LTBP1: variants seen among roughly 807,000 people sequenced by gnomAD.
LTBP1 encodes latent transforming growth factor beta binding protein 1.
In LTBP1, 129 loss-of-function variants were observed where a neutral mutation model predicts 207.6. The observed-to-expected ratio is 0.62, with a 90% CI of 0.54 to 0.72. The LOEUF (loss-of-function observed/expected upper bound fraction) is 0.72. LTBP1 is among the 30% of genes least tolerant of loss of function. LTBP1 has a pLI of 0.00. For synonymous variants in LTBP1, 963 were observed against 833.7 expected (o/e 1.16, Z -2.67); for missense variants, 2,281 against 2,217.2 (o/e 1.03, Z -0.58).
chr2:33,309,058 G>A (rs144941224), intron 22 of LTBP1, among the ~76,000 whole-genome samples: 7,782 of 151,992 alleles, frequency 0.051, 244 homozygotes, highest in African/African-American at 0.081. Flanking sequence ...TGAGGTGGGC[G>A]GATCACTTGA....
At chr2:33,199,012 T>C (rs555150019) in intron 7 of LTBP1, among the ~76,000 whole-genome samples, 207 of 152,304 alleles carry the variant, frequency 1.4e-3, no homozygotes, top group Middle Eastern at 6.8e-3. Context: ...TTTGGATCTT[T>C]CCTGCTTTCT....
chr2:33,036,456 G>GTTTT (rs58538593), intron 3 of LTBP1, among the ~76,000 whole-genome samples: 5 of 148,610 alleles, frequency 3.4e-5, no homozygotes, highest in Non-Finnish European at 1.5e-5. Flanking sequence ...CATGATGAAC[G>GTTTT]TTTTTTTTTT....
At chr2:32,958,822 A>G (rs1248097301) in intron 2 of LTBP1, among the ~76,000 whole-genome samples, 1 of 152,178 alleles carries the variant, frequency 6.6e-6, no homozygotes. Context: ...TCAAGGGCAC[A>G]ACACCTTACT....
chr2:33,348,815 G>A (rs2094739721), intron 26 of LTBP1, among the ~76,000 whole-genome samples: 1 of 152,160 alleles, frequency 6.6e-6, no homozygotes, highest in African/African-American at 2.4e-5. Context: ...AAGGGAGAGT[G>A]AGAATACATA....
At chr2:33,102,531 C>T (rs574275200) in intron 3 of LTBP1, among the ~76,000 whole-genome samples, 1 of 152,174 alleles carries the variant, frequency 6.6e-6, no homozygotes, top group East Asian at 1.9e-4. Flanking sequence ...TTTTTTCCCT[C>T]AAATATCTAC....
At chr2:33,262,395 G>T (rs1335979311) in intron 13 of LTBP1, among the ~76,000 whole-genome samples, 1 of 152,170 alleles carries the variant, frequency 6.6e-6, no homozygotes, top group Non-Finnish European at 1.5e-5. Flanking sequence ...TTGCCCTGTT[G>T]CAGACCAAAT....
chr2:33,138,895 G>C (rs1283088686), intron 5 of LTBP1, among the ~76,000 whole-genome samples: 1 of 113,124 alleles, frequency 8.8e-6, no homozygotes, highest in Non-Finnish European at 1.6e-5. Context: ...GTCTCGCTCT[G>C]TCGCCCAGGC....
At chr2:33,146,629 C>G (rs1291975687) in intron 5 of LTBP1, among the ~76,000 whole-genome samples, 1 of 152,202 alleles carries the variant, frequency 6.6e-6, no homozygotes, top group African/African-American at 2.4e-5. Context: ...ACTCACAGTT[C>G]CGCAAGCTGT....
intron 3 of LTBP1, among the ~76,000 whole-genome samples, chr2:33,087,362 C>G (rs886648759): frequency 8.5e-5 from 13 of 152,162 alleles, no homozygotes; most frequent in African/African-American, 3.1e-4. Flanking sequence ...GTCACTGCAC[C>G]TAGCCTCACT....
chr2:33,224,692 A>C (rs1162051354), intron 9 of LTBP1, among the ~76,000 whole-genome samples: 1 of 152,106 alleles, frequency 6.6e-6, no homozygotes, highest in Non-Finnish European at 1.5e-5. Context: ...ATTTTATCCA[A>C]AATGTCAAAT....
intron 9 of LTBP1, among the ~76,000 whole-genome samples, chr2:33,227,670 C>T (rs1374200360): frequency 6.6e-6 from 1 of 152,040 alleles, no homozygotes; most frequent in African/African-American, 2.4e-5. Context: ...CTTTTCCTGA[C>T]AGGCTGATTT....
intron 4 of LTBP1, among the ~76,000 whole-genome samples, chr2:33,132,978 T>TA (rs1431936954): frequency 1.3e-5 from 2 of 152,112 alleles, no homozygotes; most frequent in Non-Finnish European, 2.9e-5. Context: ...TTCAGCTCAA[T>TA]AAAAAATAGT....
chr2:33,345,739 G>A (rs879914880), intron 25 of LTBP1, among the ~76,000 whole-genome samples: 2 of 151,626 alleles, frequency 1.3e-5, no homozygotes, highest in African/African-American at 4.8e-5. Context: ...TATACCAGGT[G>A]AAAGGACGAT....
At position 33,391,846 on chromosome 2, in the gene LTBP1, G is replaced by A. The variant is rs543837465; in HGVS notation, c.4834+2540G>A. Among the ~76,000 whole-genome samples, 17 of 152,246 alleles carry A rather than the reference G, an allele frequency of 1.1e-4. 1 individual carries two copies. The South Asian group carries it at 3.5e-3, about 32-fold the overall frequency. ...CATGTTAAGAAATAAACATGTTGGT[G>A]TCACATCAATCTCTTATTTAGCAAC... On this transcript the variant is annotated intron_variant, in intron 32 of 33. Coordinates refer to ENST00000404816, the MANE Select transcript of LTBP1 (RefSeq NM_206943.4).
chr2:33,057,238 GGT>G (rs1485365458), intron 3 of LTBP1, among the ~76,000 whole-genome samples: 1 of 145,936 alleles, frequency 6.9e-6, no homozygotes, highest in Non-Finnish European at 1.6e-5. Context: ...CTAGAGACAG[GGT>G]GCTAATTGGT....
chr2:33,330,924 A>C (rs1459081956), intron 24 of LTBP1, among the ~76,000 whole-genome samples: 1 of 151,512 alleles, frequency 6.6e-6, no homozygotes, highest in Non-Finnish European at 1.5e-5. Flanking sequence ...AAACATTTTT[A>C]AATTGCAGTT....
chr2:33,283,410 C>T (rs996867093), intron 19 of LTBP1, among the ~76,000 whole-genome samples: 5 of 146,466 alleles, frequency 3.4e-5, no homozygotes, highest in African/African-American at 1.0e-4. Context: ...GAAAATTCTC[C>T]GTGATAACAT....
At chr2:33,304,009 T>G (rs1444074076) in intron 22 of LTBP1, among the ~76,000 whole-genome samples, 2 of 152,254 alleles carry the variant, frequency 1.3e-5, no homozygotes, top group Admixed American at 1.3e-4. Flanking sequence ...GTTCCTCGCT[T>G]TGTCTCTTTT....
intron 2 of LTBP1, among the ~76,000 whole-genome samples, chr2:32,983,221 G>T (rs193004107): frequency 1.1e-4 from 16 of 152,214 alleles, no homozygotes; most frequent in Admixed American, 5.2e-4. Context: ...TTTAAAGACT[G>T]TCCTGTTGGA....
Sources: gnomAD v4.1 joint callset for allele counts (sites outside exome capture counted in the v4.1 genomes callset) on GRCh38, gnomAD v4.1.1 for gene constraint, MANE v1.5 for transcripts, NCBI Gene and HGNC (gene_info 2026-07-23, HGNC 2026-07-21) for gene names.